PCSK2: variants seen among roughly 807,000 people sequenced by gnomAD.
PCSK2 encodes proprotein convertase subtilisin/kexin type 2.
A neutral mutation model predicts 69.7 loss-of-function variants in PCSK2; 14 were observed. That is an observed-to-expected ratio of 0.20 (90% CI 0.13 to 0.31). The LOEUF is 0.31. PCSK2 is among the 10% of genes least tolerant of loss of function. The probability of loss-of-function intolerance (pLI) is 1.00; values close to 1 mark genes in which losing one functional copy is unlikely to be tolerated. For synonymous variants in PCSK2, 307 were observed against 320.7 expected (o/e 0.96, Z 0.46); for missense variants, 544 against 842.5 (o/e 0.65, Z 4.39).
At chr20:17,253,479 G>C (rs1297613747) in intron 1 of PCSK2, among the ~76,000 whole-genome samples, 1 of 152,082 alleles carries the variant, frequency 6.6e-6, no homozygotes, top group African/African-American at 2.4e-5. Flanking sequence ...TTGCTGTCAG[G>C]CTTCTTTAAC....
At chr20:17,431,688 T>G (rs1275211481) in intron 7 of PCSK2, among the ~76,000 whole-genome samples, 1 of 152,204 alleles carries the variant, frequency 6.6e-6, no homozygotes, top group Non-Finnish European at 1.5e-5. Flanking sequence ...TGCCTGTGCC[T>G]TAGGGAACCC....
chr20:17,278,661 G>A (rs1365101028), intron 2 of PCSK2, among the ~76,000 whole-genome samples: 3 of 152,042 alleles, frequency 2.0e-5, no homozygotes. Context: ...CATGGCACAT[G>A]TATACATATG....
At chr20:17,363,703 G>A (rs568463498) in intron 4 of PCSK2, among the ~76,000 whole-genome samples, 11 of 152,316 alleles carry the variant, frequency 7.2e-5, no homozygotes, top group East Asian at 5.8e-4. Context: ...GAAGGCCAGC[G>A]AGCTAAGGTC....
rs775400787 is a variant in PCSK2 at position 17,255,344 on chromosome 20, ATT to A, written c.178-4882_178-4881del. On this transcript the variant is annotated intron_variant, in intron 1 of 11. Coordinates refer to ENST00000262545, the MANE Select transcript of PCSK2 (RefSeq NM_002594.5). ...TTGAGAAAGTTCCCTTTCATTCCTA[ATT>A]TTTTTTTTTTTTTGAGACGGAGTCT... Among the ~76,000 whole-genome samples, 197 of 143,882 alleles carry A rather than the reference ATT, an allele frequency of 1.4e-3. 1 individual carries two copies. Among genetic ancestry groups the A allele is most frequent in the African/African-American group, 4.6e-3 (184 of 39,616 alleles). The allele number at this position is 143,882 out of a possible 152,430, so 94.4% of individuals were successfully genotyped here.
At chr20:17,351,371 C>A (rs775155643) in intron 2 of PCSK2, among the ~76,000 whole-genome samples, 32 of 152,122 alleles carry the variant, frequency 2.1e-4, no homozygotes, top group Non-Finnish European at 4.6e-4. Flanking sequence ...CACCATGATA[C>A]CAAAATCTGG....
intron 5 of PCSK2, among the ~76,000 whole-genome samples, chr20:17,381,063 C>T (rs1041278201): frequency 6.6e-6 from 1 of 152,178 alleles, no homozygotes; most frequent in Non-Finnish European, 1.5e-5. Flanking sequence ...GAGCTTTAGG[C>T]AAAGCAGAAT....
rs189887261 is a variant in PCSK2 at position 17,479,603 on chromosome 20, T to C, written c.1431-1981T>C. On this transcript the variant is annotated intron_variant, in intron 11 of 11. Transcript: ENST00000262545. ...TCACAAGGTCAGGAGATCGAGACCA[T>C]CATGGCTAACACGGTGAAACTCCGT... Among the ~76,000 whole-genome samples the C allele has an allele frequency of 1.9e-4, 29 of 152,066 alleles. No homozygotes were observed. In the East Asian group the frequency reaches 5.3e-3, roughly 28 times the overall value.
At chr20:17,233,883 T>A (rs1986235270) in intron 1 of PCSK2, among the ~76,000 whole-genome samples, 2 of 152,188 alleles carry the variant, frequency 1.3e-5, no homozygotes, top group Non-Finnish European at 2.9e-5. Context: ...GCCTGATGCA[T>A]AAGAATTCTC....
intron 1 of PCSK2, 26 bp downstream of exon 1, chr20:17,227,508 G>C: frequency 6.3e-7 from 1 of 1,596,632 alleles, no homozygotes; most frequent in Non-Finnish European, 8.6e-7. Flanking sequence ...CATTTCGCAT[G>C]TTGTTTCAAA....
At chr20:17,456,803 G>A (rs2032932028) in intron 10 of PCSK2, among the ~76,000 whole-genome samples, 1 of 152,248 alleles carries the variant, frequency 6.6e-6, no homozygotes, top group Admixed American at 6.5e-5. Flanking sequence ...CTACTCCAGT[G>A]ATATTCACAA....
intron 2 of PCSK2, among the ~76,000 whole-genome samples, chr20:17,296,398 A>G (rs1988894414): frequency 6.6e-6 from 1 of 152,214 alleles, no homozygotes; most frequent in African/African-American, 2.4e-5. Context: ...TTAAAGATAA[A>G]CATTAAATAA....
intron 8 of PCSK2, among the ~76,000 whole-genome samples, chr20:17,441,414 AT>A (rs1041427745): frequency 6.6e-6 from 1 of 152,172 alleles, no homozygotes; most frequent in Non-Finnish European, 1.5e-5. Flanking sequence ...TGATGGAGTA[AT>A]TTTTTCTGAG....
chr20:17,252,902 A>G (rs1987040906), intron 1 of PCSK2, among the ~76,000 whole-genome samples: 1 of 152,272 alleles, frequency 6.6e-6, no homozygotes, highest in Non-Finnish European at 1.5e-5. Context: ...AAAATATTCA[A>G]ATAAGATGAA....
At chr20:17,247,578 G>A (rs1446830150) in intron 1 of PCSK2, among the ~76,000 whole-genome samples, 2 of 152,220 alleles carry the variant, frequency 1.3e-5, no homozygotes, top group Admixed American at 1.3e-4. Context: ...GCAGCCAAAG[G>A]AAAAGTGAAG....
intron 2 of PCSK2, among the ~76,000 whole-genome samples, chr20:17,283,427 T>G (rs549385848): frequency 6.6e-6 from 1 of 152,186 alleles, no homozygotes; most frequent in East Asian, 1.9e-4. Context: ...TGGAGCACAT[T>G]TTACCAACAC....
chr20:17,476,148 A>G (rs2033285053), intron 11 of PCSK2, among the ~76,000 whole-genome samples: 1 of 152,238 alleles, frequency 6.6e-6, no homozygotes, highest in Admixed American at 6.5e-5. Flanking sequence ...AGGTGGCCAG[A>G]AAACCTGCAA....
intron 1 of PCSK2, among the ~76,000 whole-genome samples, chr20:17,253,296 C>A (rs1055914473): frequency 6.6e-6 from 1 of 152,080 alleles, no homozygotes. Context: ...CAATCATTAC[C>A]AGTATCTAAT....
At chr20:17,318,971 G>A (rs1989779133) in intron 2 of PCSK2, among the ~76,000 whole-genome samples, 2 of 152,210 alleles carry the variant, frequency 1.3e-5, no homozygotes, top group Admixed American at 1.3e-4. Context: ...TATGTGTAAT[G>A]CTCATTTCTG....
chr20:17,457,834 C>T (rs944305374), intron 10 of PCSK2, among the ~76,000 whole-genome samples: 2 of 152,282 alleles, frequency 1.3e-5, no homozygotes, highest in East Asian at 3.9e-4. Context: ...TTCCGGTTGC[C>T]CTTTCAACCT....
Sources: allele counts gnomAD v4.1 joint callset (sites outside exome capture counted in the v4.1 genomes callset), GRCh38; gene constraint gnomAD v4.1.1; transcripts MANE v1.5; gene names NCBI Gene and HGNC (gene_info 2026-07-23, HGNC 2026-07-21).